SBF2: variants seen among roughly 807,000 people sequenced by gnomAD.
SBF2 encodes the protein SET binding factor 2, also known as myotubularin-related protein 13.
A neutral mutation model predicts 225.2 loss-of-function variants in SBF2; 112 were observed. The ratio of observed to expected loss-of-function variants is 0.50; its 90% CI spans 0.43 to 0.58. The LOEUF (loss-of-function observed/expected upper bound fraction) is 0.58, where lower values mean the gene tolerates loss of function less well. Among genes scored for constraint, SBF2 ranks in the 20% least tolerant of loss-of-function variants. The probability of loss-of-function intolerance (pLI) is 0.00; values close to 1 mark genes in which losing one functional copy is unlikely to be tolerated. For missense variants in SBF2, 1,996 were observed against 2,206.2 expected (o/e 0.90, Z 1.91); for synonymous variants, 763 against 773.3 (o/e 0.99, Z 0.22).
chr11:10,170,993 T>A (rs1956160556), intron 2 of SBF2, among the ~76,000 whole-genome samples: 1 of 152,166 alleles, frequency 6.6e-6, no homozygotes, highest in African/African-American at 2.4e-5. Flanking sequence ...TAACTTTGTA[T>A]CCTGCAGATT....
At chr11:9,904,485 G>C (rs1861968711) in intron 16 of SBF2, among the ~76,000 whole-genome samples, 1 of 152,040 alleles carries the variant, frequency 6.6e-6, no homozygotes, top group Admixed American at 6.6e-5. Context: ...AGGAAAAACA[G>C]ATAAATTTAC....
chr11:9,837,537 T>C (rs530583555), intron 26 of SBF2, among the ~76,000 whole-genome samples: 1 of 152,368 alleles, frequency 6.6e-6, no homozygotes, highest in East Asian at 1.9e-4. Flanking sequence ...TAAACTCCAC[T>C]TGATCTTAAT....
chr11:10,300,276 T>G (rs756227401), intron 1 of SBF2, among the ~76,000 whole-genome samples: 5 of 152,210 alleles, frequency 3.3e-5, no homozygotes, highest in Non-Finnish European at 5.9e-5. Flanking sequence ...TACTGTATGT[T>G]GAGAACTTAG....
At chr11:10,088,893 A>G (rs1951676772) in intron 2 of SBF2, among the ~76,000 whole-genome samples, 1 of 152,194 alleles carries the variant, frequency 6.6e-6, no homozygotes, top group Non-Finnish European at 1.5e-5. Flanking sequence ...TTCTCATTGT[A>G]TTTTTGGATC....
At chr11:9,958,670 T>C in intron 16 of SBF2, 1 of 311,258 alleles carries the variant, frequency 3.2e-6, no homozygotes, top group Non-Finnish European at 6.5e-6. Context: ...TTAGGACAAC[T>C]GGGAGAGGGG....
At chr11:10,261,022 A>G (rs891443907) in intron 1 of SBF2, among the ~76,000 whole-genome samples, 1 of 152,228 alleles carries the variant, frequency 6.6e-6, no homozygotes, top group African/African-American at 2.4e-5. Flanking sequence ...AATGATCTGA[A>G]CAGACCCTTC....
chr11:9,891,181 T>C (rs1860781933), intron 17 of SBF2, among the ~76,000 whole-genome samples: 1 of 151,732 alleles, frequency 6.6e-6, no homozygotes, highest in Admixed American at 6.6e-5. Context: ...GAAGGGGCCA[T>C]GACTTTCACT....
chr11:10,196,866 A>ATATATATATATATATATTTTTTTT, intron 1 of SBF2, among the ~76,000 whole-genome samples: 8 of 99,288 alleles, frequency 8.1e-5, no homozygotes, highest in South Asian at 7.0e-4. Context: ...ATATATATAT[A>ATATATATATATATATATTTTTTTT]TTTTTTTTTT....
intron 1 of SBF2, among the ~76,000 whole-genome samples, chr11:10,259,214 G>C (rs1469866877): frequency 6.6e-6 from 1 of 152,164 alleles, no homozygotes; most frequent in Admixed American, 6.5e-5. Flanking sequence ...ACAGGTTGTA[G>C]AGTTAGAATA....
In SBF2 at chr11:10,244,488, C is replaced by T. The variant is rs139120328; in HGVS notation, c.55+49527G>A. Among the ~76,000 whole-genome samples the T allele has an allele frequency of 4.6e-5, 7 of 152,306 alleles. No individual in the cohort carries two copies. The East Asian group carries it at 1.2e-3, about 25-fold the overall frequency. ...CAACAGTCTACAAGTCTGTTTGATACCAGTCCTGCACTGTTTTGATTGCTG... is the reference window on the plus strand; with the variant it reads ...CAACAGTCTACAAGTCTGTTTGATATCAGTCCTGCACTGTTTTGATTGCTG... On this transcript the variant is annotated intron_variant, in intron 1 of 39. Transcript: ENST00000256190.
chr11:10,151,363 T>C (rs1955180568), intron 2 of SBF2, among the ~76,000 whole-genome samples: 1 of 152,188 alleles, frequency 6.6e-6, no homozygotes, highest in Non-Finnish European at 1.5e-5. Context: ...TTAGGATTCC[T>C]TTCCTCCCCA....
At chr11:9,964,206 A>C (rs189488157) in intron 14 of SBF2, among the ~76,000 whole-genome samples, 1 of 152,350 alleles carries the variant, frequency 6.6e-6, no homozygotes, top group Non-Finnish European at 1.5e-5. Flanking sequence ...CTAGGACAGC[A>C]CTACTGAACT....
intron 13 of SBF2, among the ~76,000 whole-genome samples, chr11:9,976,072 C>CTTTTTTT (rs773334975): frequency 3.1e-5 from 4 of 128,254 alleles, no homozygotes; most frequent in Non-Finnish European, 6.6e-5. Context: ...TCTTCTTCTT[C>CTTTTTTT]TTTTTTTTTT....
intron 26 of SBF2, among the ~76,000 whole-genome samples, chr11:9,837,203 T>A (rs920917409): frequency 6.6e-6 from 1 of 152,176 alleles, no homozygotes; most frequent in African/African-American, 2.4e-5. Flanking sequence ...ATTTCTAAGA[T>A]AAGTAATTTC....
At chr11:10,166,795 C>G (rs960610269) in intron 2 of SBF2, among the ~76,000 whole-genome samples, 6 of 152,080 alleles carry the variant, frequency 3.9e-5, no homozygotes, top group African/African-American at 1.4e-4. Flanking sequence ...AAACCCATCT[C>G]TACTAAAAAT....
At chr11:10,277,959 C>T (rs1211005092) in intron 1 of SBF2, among the ~76,000 whole-genome samples, 1 of 152,184 alleles carries the variant, frequency 6.6e-6, no homozygotes, top group Non-Finnish European at 1.5e-5. Flanking sequence ...TTTGTTATGG[C>T]AACCCCAAGA....
intron 2 of SBF2, among the ~76,000 whole-genome samples, chr11:10,174,589 A>G (rs892463438): frequency 6.6e-6 from 1 of 152,238 alleles, no homozygotes; most frequent in African/African-American, 2.4e-5. Context: ...AACACTCTGC[A>G]GGATATCATC....
chr11:9,980,124 G>C (rs1267544504), intron 13 of SBF2, among the ~76,000 whole-genome samples: 1 of 151,420 alleles, frequency 6.6e-6, no homozygotes, highest in African/African-American at 2.4e-5. Flanking sequence ...AGGATTACAG[G>C]CACGTGCCAC....
chr11:10,174,803 A>G (rs1956379619), intron 2 of SBF2, among the ~76,000 whole-genome samples: 1 of 152,144 alleles, frequency 6.6e-6, no homozygotes, highest in Non-Finnish European at 1.5e-5. Flanking sequence ...TCAGACTAAC[A>G]GCGGATCTCT....
Sources: gnomAD v4.1 joint callset for allele counts (sites outside exome capture counted in the v4.1 genomes callset) on GRCh38, gnomAD v4.1.1 for gene constraint, MANE v1.5 for transcripts, NCBI Gene and HGNC (gene_info 2026-07-23, HGNC 2026-07-21) for gene names.